MYO9B: variants seen among roughly 807,000 people sequenced by gnomAD.
The protein encoded by MYO9B is myosin IXB, also known as unconventional myosin-IXb.
Under a neutral mutation model 229.5 loss-of-function variants are expected in MYO9B, and 71 were observed. The observed-to-expected ratio is 0.31, with a 90% CI of 0.26 to 0.38. The LOEUF is 0.38. MYO9B is among the 10% of genes least tolerant of loss of function. The pLI, the probability that MYO9B is intolerant of heterozygous loss-of-function variation, is 1.00. For synonymous variants in MYO9B, 1,185 were observed against 1,235.8 expected, an observed-to-expected ratio of 0.96 and a Z score of 0.86; for missense variants, 2,255 against 2,920.5, an observed-to-expected ratio of 0.77 and a Z score of 5.25.
rs1368013796 is a variant in MYO9B at position 17,101,536 on chromosome 19, A to G, written c.-58-124A>G. 1.0e-5 allele frequency: 10 copies of G among 981,074 alleles called. No individual in the cohort carries two copies. The East Asian group carries it at 2.7e-4, about 26-fold the overall frequency. 60.8% of individuals were successfully genotyped at this position (981,074 alleles called of 1,614,324 possible). A position where few individuals can be genotyped will look rare whatever the true frequency, so the allele number is the denominator to read the frequency against. On this transcript the variant is annotated intron_variant, in intron 1 of 39. Transcript: ENST00000682292. This position sits in a 1 kb window ranked among gnomAD's most constrained non-coding sequence, Gnocchi z 4.7. ...CTGGTTGCCTCTGGCTTTTTGGGCG[A>G]GCCTAGTCGGGTGGGGAACTCCAGC...
At chr19:17,168,442 A>G (rs1352775273) in intron 11 of MYO9B, among the ~76,000 whole-genome samples, 2 of 152,350 alleles carry the variant, frequency 1.3e-5, no homozygotes, top group East Asian at 3.9e-4. Flanking sequence ...CTGGGATTAC[A>G]GGCGTGTGCC....
At chr19:17,092,167 C>T (rs183025427) in intron 1 of MYO9B, among the ~76,000 whole-genome samples, 36 of 152,354 alleles carry the variant, frequency 2.4e-4, no homozygotes, top group Admixed American at 1.8e-3. Flanking sequence ...CCTGGCTTCT[C>T]GCTCAGAGCT....
rs186530037 is a variant in MYO9B at position 17,181,769 on chromosome 19, A to G, written c.2333+729A>G. Among the ~76,000 whole-genome samples, 261 of 151,950 alleles carry G rather than the reference A, an allele frequency of 1.7e-3. 1 individual carries two copies. The highest frequency in any genetic ancestry group is 6.2e-3 in the African/African-American group (256 of 41,444). ...TCTTTCTTTCTTTCGTTCGTTCTTT[A>G]TTTCGTTCTTTCGTTCTTTTTTTGA... On this transcript the variant is annotated intron_variant, in intron 15 of 39. Coordinates refer to ENST00000682292, the MANE Select transcript of MYO9B (RefSeq NM_004145.4).
At chr19:17,134,381 GTTTTTTTTTTT>G (rs869297825) in intron 2 of MYO9B, among the ~76,000 whole-genome samples, 2 of 46,472 alleles carry the variant, frequency 4.3e-5, no homozygotes, top group African/African-American at 8.9e-5. Flanking sequence ...CGTTTTGTTT[GTTTTTTTTTTT>G]TTTTTTTTTT....
chr19:17,141,284 G>A (rs943036620), intron 2 of MYO9B, among the ~76,000 whole-genome samples: 1 of 152,042 alleles, frequency 6.6e-6, no homozygotes, highest in Admixed American at 6.6e-5. Context: ...ATGGGACCTT[G>A]GCAATGGCCT....
intron 35 of MYO9B, among the ~76,000 whole-genome samples, chr19:17,209,016 G>A (rs1304366465): frequency 6.6e-6 from 1 of 152,126 alleles, no homozygotes; most frequent in Non-Finnish European, 1.5e-5. Flanking sequence ...ACTCCAAGCT[G>A]AGTCCCTCTG....
At chr19:17,152,620 T>C in intron 3 of MYO9B, 24 bp from the exon 4 acceptor site, 1 of 1,597,202 alleles carries the variant, frequency 6.3e-7, no homozygotes, top group Non-Finnish European at 8.5e-7. Context: ...TGTTTTATTC[T>C]TTCTGTTTTT....
intron 13 of MYO9B, among the ~76,000 whole-genome samples, chr19:17,173,739 T>C (rs2072751278): frequency 6.6e-6 from 1 of 152,124 alleles, no homozygotes. Context: ...GCCAGCCCTA[T>C]AGAGTTGCTG....
chr19:17,111,312 C>T (rs1442540846), intron 2 of MYO9B, among the ~76,000 whole-genome samples: 1 of 152,196 alleles, frequency 6.6e-6, no homozygotes, highest in Non-Finnish European at 1.5e-5. Flanking sequence ...TGTCAACTCT[C>T]ATGCCTCTGA....
At position 17,102,204 on chromosome 19, in the gene MYO9B, C is replaced by G. The variant is rs374120214; in HGVS notation, c.487C>G (p.Leu163Val). The change falls in exon 2 of 40, where the codon CTG (leucine) becomes GTG (valine). Residue 163 changes from leucine to valine, a missense_variant. Coordinates refer to ENST00000682292, the MANE Select transcript of MYO9B (RefSeq NM_004145.4). The stretch of plus-strand genomic sequence containing the variant: ...CCCCGAGCTAACCGAGGGCAACCTC[C>G]TGAAGAACCTCAAGCACCGCTTCCT... ...NLPELTEGNL[L>V]KNLKHRFLQQ... The G allele has an allele frequency of 1.2e-6, 2 of 1,613,968 alleles. No homozygotes were observed. The highest frequency in any genetic ancestry group is 2.2e-5 in the South Asian group (2 of 91,076).
At chr19:17,173,272 T>TTC (rs960453444) in intron 13 of MYO9B, among the ~76,000 whole-genome samples, 31 of 151,264 alleles carry the variant, frequency 2.0e-4, no homozygotes, top group African/African-American at 6.6e-4. Context: ...TGCCTCTTGT[T>TTC]TCTCTCTCTC....
chr19:17,167,696 C>G (rs1237122377), intron 10 of MYO9B, among the ~76,000 whole-genome samples: 1 of 152,026 alleles, frequency 6.6e-6, no homozygotes, highest in Non-Finnish European at 1.5e-5. Context: ...TCAGGCTGGT[C>G]TCAAACTCCT....
Position 17,200,781 on chromosome 19 carries a change from C to T in MYO9B, c.4515C>T (p.Ile1505=), listed in dbSNP as rs761130683. The T allele has an allele frequency of 4.3e-6, 7 of 1,614,026 alleles. No homozygotes were observed. Among genetic ancestry groups the T allele is most frequent in the Non-Finnish European group, 5.9e-6 (7 of 1,179,898 alleles). The change falls in exon 26 of 40, where the codon ATC becomes ATT. Residue 1505 remains isoleucine (I), a synonymous_variant. Transcript: ENST00000682292. ...EKWRESVFRQ[I]TNANELKYLD... is the part of the protein sequence containing the mutation. ...GGCGGGAATCGGTGTTCCGCCAGATCACCAACGCCAATGAGCTCAAGTACC... is the reference window on the plus strand; with the variant it reads ...GGCGGGAATCGGTGTTCCGCCAGATTACCAACGCCAATGAGCTCAAGTACC...
intron 1 of MYO9B, among the ~76,000 whole-genome samples, chr19:17,077,970 A>G (rs1293077027): frequency 6.6e-6 from 1 of 152,232 alleles, no homozygotes; most frequent in Non-Finnish European, 1.5e-5. Context: ...CCTCGGGTCC[A>G]GTCTGGTGAC....
intron 2 of MYO9B, among the ~76,000 whole-genome samples, chr19:17,108,919 G>A (rs2057819721): frequency 1.3e-5 from 2 of 151,744 alleles, no homozygotes; most frequent in Non-Finnish European, 2.9e-5. Context: ...CACCATAGTG[G>A]CCAGGCTGGT....
chr19:17,155,108 G>A (rs927739987), intron 6 of MYO9B, among the ~76,000 whole-genome samples: 7 of 152,060 alleles, frequency 4.6e-5, no homozygotes, highest in Admixed American at 2.0e-4. Context: ...ATTTCAGCTC[G>A]GGCAACAGAG....
intron 2 of MYO9B, among the ~76,000 whole-genome samples, chr19:17,105,476 CAG>C (rs1303253678): frequency 6.6e-6 from 1 of 152,092 alleles, no homozygotes; most frequent in Non-Finnish European, 1.5e-5. Context: ...GCCTAGGTGA[CAG>C]AGCGAGACCC....
At chr19:17,077,913 A>G (rs2057501149) in intron 1 of MYO9B, among the ~76,000 whole-genome samples, 1 of 152,108 alleles carries the variant, frequency 6.6e-6, no homozygotes, top group South Asian at 2.1e-4. Context: ...CCTATTCCCA[A>G]AGCTTTGGAA....
intron 1 of MYO9B, among the ~76,000 whole-genome samples, chr19:17,089,468 C>G (rs2123468930): frequency 6.6e-6 from 1 of 152,336 alleles, no homozygotes; most frequent in South Asian, 2.1e-4. Flanking sequence ...GCCACACTTT[C>G]TGGAGGCCCC....
Sources: gnomAD v4.1 joint callset for allele counts (sites outside exome capture counted in the v4.1 genomes callset) on GRCh38, gnomAD v4.1.1 for gene constraint, Gnocchi (gnomAD v3.1) non-coding constraint, MANE v1.5 for transcripts, NCBI Gene and HGNC (gene_info 2026-07-23, HGNC 2026-07-21) for gene names.